TFB1M: variants seen among roughly 807,000 people sequenced by gnomAD.
TFB1M encodes dimethyladenosine transferase 1, mitochondrial.
TFB1M carries 27 observed loss-of-function variants against 31.1 expected under a neutral mutation model. That is an observed-to-expected ratio of 0.87 (90% confidence interval 0.64 to 1.20). The LOEUF (loss-of-function observed/expected upper bound fraction) is 1.20, where lower values mean the gene tolerates loss of function less well. TFB1M is among the 50% of genes most tolerant of loss of function. The pLI is 0.00. For synonymous variants in TFB1M, 166 were observed against 151.8 expected (o/e 1.09, Z -0.69); for missense variants, 394 against 418.7 (o/e 0.94, Z 0.51).
chr6:155,296,845 A>T (rs1157251751), intron 4 of TFB1M, 108 bp downstream of exon 4: 2 of 1,074,416 alleles, frequency 1.9e-6, no homozygotes, highest in Non-Finnish European at 2.8e-6. Flanking sequence ...TTGTGTGTGT[A>T]ATAAGATATT....
chr6:155,248,280 G>A, the TFB1M span: 30 of 1,350,186 alleles, frequency 2.2e-5, no homozygotes, highest in South Asian at 3.9e-4. Flanking sequence ...CCCGCCTAGT[G>A]GCACGTCCTA....
At chr6:155,242,134 C>A in the TFB1M span, among the ~76,000 whole-genome samples, 5 of 152,182 alleles carry the variant, frequency 3.3e-5, no homozygotes, top group Admixed American at 6.5e-5. Flanking sequence ...CTTAGGGCCC[C>A]CCTGGGTTGC....
At chr6:155,314,029 C>A in intron 1 of TFB1M, 1 of 1,256,604 alleles carries the variant, frequency 8.0e-7, no homozygotes. Flanking sequence ...CCCATGAACC[C>A]TTCCTCCCCT....
chr6:155,251,722 G>C, downstream of TFB1M, among the ~76,000 whole-genome samples: 1 of 152,214 alleles, frequency 6.6e-6, no homozygotes, highest in Non-Finnish European at 1.5e-5. Flanking sequence ...GTTTAAAAAA[G>C]CCAAGATCAA....
intron 4 of TFB1M, among the ~76,000 whole-genome samples, chr6:155,286,304 C>T (rs1463622441): frequency 6.6e-6 from 1 of 151,648 alleles, no homozygotes; most frequent in African/African-American, 2.4e-5. Context: ...TCTATGACTT[C>T]CATGGTAGGG....
the TFB1M span, chr6:155,250,442 A>C: frequency 1.1e-6 from 1 of 950,686 alleles, no homozygotes; most frequent in Non-Finnish European, 1.5e-6. Flanking sequence ...GCATGCAGGA[A>C]GTAGCATAGT....
At chr6:155,246,686 G>A in the TFB1M span, among the ~76,000 whole-genome samples, 2 of 152,012 alleles carry the variant, frequency 1.3e-5, no homozygotes, top group Non-Finnish European at 2.9e-5. Context: ...GCATACCAAT[G>A]TACTTGTCAA....
chr6:155,240,607 T>A, the TFB1M span: 6 of 1,614,144 alleles, frequency 3.7e-6, no homozygotes, highest in Non-Finnish European at 5.1e-6. Context: ...CGCGGGAGAA[T>A]CAGGATCCTC....
the TFB1M span, among the ~76,000 whole-genome samples, chr6:155,241,391 A>G: frequency 6.6e-6 from 1 of 152,228 alleles, no homozygotes; most frequent in Admixed American, 6.5e-5. Context: ...TTACTGAAGC[A>G]GCGCGGCACG....
At chr6:155,294,676 T>C (rs1443923756) in intron 4 of TFB1M, among the ~76,000 whole-genome samples, 5 of 152,172 alleles carry the variant, frequency 3.3e-5, no homozygotes, top group Non-Finnish European at 5.9e-5. Flanking sequence ...GGCAAGAATA[T>C]GGAGCAAAAT....
intron 2 of TFB1M, chr6:155,299,593 A>G (rs1188341073): frequency 1.3e-5 from 2 of 152,198 alleles, no homozygotes; most frequent in African/African-American, 2.4e-5. Context: ...TTCCCACATT[A>G]AGTCAGAGCT....
chr6:155,275,714 A>C, intron 5 of TFB1M: 1 of 1,608,460 alleles, frequency 6.2e-7, no homozygotes, highest in South Asian at 1.1e-5. Context: ...ACTTAACAGT[A>C]ACATCATGGC....
At chr6:155,291,596 A>C (rs1270370627) in intron 4 of TFB1M, among the ~76,000 whole-genome samples, 1 of 152,218 alleles carries the variant, frequency 6.6e-6, no homozygotes, top group Non-Finnish European at 1.5e-5. Flanking sequence ...AAAGTTTTCC[A>C]ACCTTGGCAT....
chr6:155,303,735 G>C (rs1777537948), intron 2 of TFB1M, among the ~76,000 whole-genome samples: 1 of 152,178 alleles, frequency 6.6e-6, no homozygotes, highest in Non-Finnish European at 1.5e-5. Flanking sequence ...CTCTTAATAA[G>C]ATGACTGGAA....
chr6:155,295,489 A>G (rs1777127253), intron 4 of TFB1M, among the ~76,000 whole-genome samples: 1 of 152,214 alleles, frequency 6.6e-6, no homozygotes, highest in African/African-American at 2.4e-5. Context: ...TGGGATGGAA[A>G]GGAGATGCAA....
intron 2 of TFB1M, among the ~76,000 whole-genome samples, chr6:155,306,252 GA>G (rs1777756913): frequency 6.6e-6 from 1 of 152,102 alleles, no homozygotes; most frequent in Non-Finnish European, 1.5e-5. Flanking sequence ...CAGCTGGTGG[GA>G]ATGTAATATG....
chr6:155,261,751 G>C (rs1784404298), intron 5 of TFB1M, among the ~76,000 whole-genome samples: 1 of 152,026 alleles, frequency 6.6e-6, no homozygotes, highest in African/African-American at 2.4e-5. Context: ...GGATGGAATG[G>C]GAAATAGAAG....
rs1784163623 is a variant in TFB1M, at chr6:155,257,755, T to C, written c.*81A>G. 5 of 1,549,388 alleles carry C rather than the reference T, an allele frequency of 3.2e-6. No individual in the cohort carries two copies. The highest frequency in any genetic ancestry group is 4.4e-6 in the Non-Finnish European group (5 of 1,135,300). On this transcript the variant is annotated 3_prime_UTR_variant, in exon 7 of 7. Transcript: ENST00000367166. ...CATTGGCATTTGTATCGTCATTCTGTAAAGACAAAAGAGTACCTATATAAG... is the reference window on the plus strand; with the variant it reads ...CATTGGCATTTGTATCGTCATTCTGCAAAGACAAAAGAGTACCTATATAAG...
At chr6:155,234,757 T>C in the TFB1M span, among the ~76,000 whole-genome samples, 5 of 152,202 alleles carry the variant, frequency 3.3e-5, no homozygotes, top group Admixed American at 3.3e-4. Context: ...ATAGGCTCAA[T>C]AGATGTCCCA....
Sources: gnomAD v4.1 joint callset for allele counts (sites outside exome capture counted in the v4.1 genomes callset) on GRCh38, gnomAD v4.1.1 for gene constraint, MANE v1.5 for transcripts, NCBI Gene and HGNC (gene_info 2026-07-23, HGNC 2026-07-21) for gene names.